ABI3BP: variants seen among roughly 807,000 people sequenced by gnomAD.
The protein encoded by ABI3BP is target of Nesh-SH3.
ABI3BP carries 216 observed loss-of-function variants against 268.6 expected under a neutral mutation model. That is an observed-to-expected ratio of 0.80 (90% CI 0.72 to 0.90). The LOEUF is 0.90. Among genes scored for constraint, ABI3BP ranks in the 40% least tolerant of loss-of-function variants. The pLI is 0.00. For synonymous variants in ABI3BP, 730 were observed against 730.0 expected (o/e 1.00, Z 0.00); for missense variants, 2,090 against 2,182.4 (o/e 0.96, Z 0.84).
intron 1 of ABI3BP, among the ~76,000 whole-genome samples, chr3:100,954,975 C>CT (rs71299382): frequency 0.12 from 11,254 of 94,754 alleles, 787 homozygotes; most frequent in Non-Finnish European, 0.16. Flanking sequence ...TAAATTTTGT[C>CT]TTTTTTTTTT....
At chr3:100,921,812 T>C (rs1012868958) in intron 2 of ABI3BP, among the ~76,000 whole-genome samples, 4 of 152,222 alleles carry the variant, frequency 2.6e-5, no homozygotes, top group African/African-American at 9.6e-5. Flanking sequence ...AGGTATTAAA[T>C]GTAAAAATGG....
chr3:100,853,033 T>C (rs2098877987), intron 14 of ABI3BP, among the ~76,000 whole-genome samples: 1 of 152,196 alleles, frequency 6.6e-6, no homozygotes, highest in African/African-American at 2.4e-5. Context: ...GACGTAGTCA[T>C]TGGGGTTACT....
intron 1 of ABI3BP, among the ~76,000 whole-genome samples, chr3:100,940,525 T>C (rs1192161771): frequency 1.3e-5 from 2 of 151,544 alleles, no homozygotes; most frequent in Non-Finnish European, 2.9e-5. Flanking sequence ...CATGCAAAAA[T>C]AGTTGCTACT....
intron 2 of ABI3BP, among the ~76,000 whole-genome samples, chr3:100,907,062 G>A (rs557719882): frequency 6.6e-6 from 1 of 152,292 alleles, no homozygotes; most frequent in South Asian, 2.1e-4. Flanking sequence ...GGACATAAGA[G>A]CACAGACTCT....
chr3:100,763,389 G>A (rs1464118470), intron 63 of ABI3BP, among the ~76,000 whole-genome samples: 1 of 149,470 alleles, frequency 6.7e-6, no homozygotes, highest in Non-Finnish European at 1.5e-5. Flanking sequence ...CTTGAACCCT[G>A]GAGGCAGAGG....
At chr3:100,873,398 T>G (rs2099129107) in intron 9 of ABI3BP, among the ~76,000 whole-genome samples, 1 of 151,988 alleles carries the variant, frequency 6.6e-6, no homozygotes, top group African/African-American at 2.4e-5. Flanking sequence ...AGATTTGATG[T>G]CTTTTTTCCC....
intron 6 of ABI3BP, among the ~76,000 whole-genome samples, chr3:100,881,412 A>G (rs1255299771): frequency 6.6e-6 from 1 of 152,218 alleles, no homozygotes; most frequent in Non-Finnish European, 1.5e-5. Context: ...TAAAAAAGAT[A>G]AAAATAGATG....
At chr3:100,771,020 T>C in intron 61 of ABI3BP, 68 bp from the exon 62 acceptor site, 1 of 1,195,984 alleles carries the variant, frequency 8.4e-7, no homozygotes, top group African/African-American at 1.6e-5. Flanking sequence ...AGTGAGCTCA[T>C]AAATATAATT....
Position 100,770,939 on chromosome 3 carries a change from T to C in ABI3BP, c.4545A>G (p.Arg1515=). The change falls in exon 62 of 68, where the codon CGA becomes CGG. Residue 1515 remains arginine, a synonymous_variant. Coordinates refer to ENST00000471714, the MANE Select transcript of ABI3BP (RefSeq NM_001375547.2). ...GKPRFKGPHV[R]YIQKPDNSPC... ...GACTGTTGTCAGGCTTTTGGATGTATCGCACATGAGGTCCTACGAGAGAGA... is the reference window on the plus strand; with the variant it reads ...GACTGTTGTCAGGCTTTTGGATGTACCGCACATGAGGTCCTACGAGAGAGA... 6.3e-7 allele frequency: 1 copy of C among 1,587,646 alleles called. No homozygotes were observed. Among genetic ancestry groups the C allele is most frequent in the South Asian group, 1.2e-5 (1 of 85,650 alleles).
At chr3:100,786,727 C>A (rs539593401) in intron 57 of ABI3BP, among the ~76,000 whole-genome samples, 1 of 152,248 alleles carries the variant, frequency 6.6e-6, no homozygotes, top group South Asian at 2.1e-4. Flanking sequence ...TGTGCACCAT[C>A]TAATCCCACA....
At chr3:100,920,028 T>C (rs2059773650) in intron 2 of ABI3BP, among the ~76,000 whole-genome samples, 1 of 152,194 alleles carries the variant, frequency 6.6e-6, no homozygotes, top group Non-Finnish European at 1.5e-5. Flanking sequence ...ATCTTAGATT[T>C]TGCTTATTTT....
chr3:100,901,310 A>C (rs1418304514), intron 3 of ABI3BP, among the ~76,000 whole-genome samples: 1 of 152,226 alleles, frequency 6.6e-6, no homozygotes, highest in African/African-American at 2.4e-5. Context: ...GATTTAAGCT[A>C]TTTAGTATAA....
chr3:100,952,078 C>T (rs369119784), intron 1 of ABI3BP, among the ~76,000 whole-genome samples: 3 of 152,138 alleles, frequency 2.0e-5, no homozygotes, highest in East Asian at 1.9e-4. Flanking sequence ...GCTCCTCCTG[C>T]TAATATTCTG....
At chr3:100,864,796 TTG>T in intron 11 of ABI3BP, 35 bp downstream of exon 11, 2 of 1,479,872 alleles carry the variant, frequency 1.4e-6, no homozygotes, top group Non-Finnish European at 9.2e-7. Context: ...GTTGTTACTT[TTG>T]TTTTTTTAGA....
chr3:100,944,666 GT>G (rs1325876868), intron 1 of ABI3BP, among the ~76,000 whole-genome samples: 51 of 152,172 alleles, frequency 3.4e-4, no homozygotes, highest in African/African-American at 1.1e-3. Context: ...GGAACCAATG[GT>G]TTTATCTGCC....
In ABI3BP at chr3:100,993,295, A is replaced by T. The variant is rs1351137223; in HGVS notation, c.79+11T>A. 2.0e-6 allele frequency: 3 copies of T among 1,524,160 alleles called. No homozygotes were observed. The highest frequency in any genetic ancestry group is 2.7e-6 in the Non-Finnish European group (3 of 1,122,996). 94.4% of individuals were successfully genotyped at this position (1,524,160 alleles called of 1,614,324 possible). ...TATTATTTTTAAAACATAAAACATCAGGCTACTTGCCTTTTGGCAATTTCT... is the reference window on the plus strand; with the variant it reads ...TATTATTTTTAAAACATAAAACATCTGGCTACTTGCCTTTTGGCAATTTCT... On this transcript the variant is annotated intron_variant, in intron 1 of 67. Transcript: ENST00000471714.
chr3:100,884,352 T>A (rs1323996721), intron 6 of ABI3BP, among the ~76,000 whole-genome samples: 1 of 152,146 alleles, frequency 6.6e-6, no homozygotes, highest in African/African-American at 2.4e-5. Flanking sequence ...TGAAATACAT[T>A]GAAATATTTT....
chr3:100,782,345 CT>C (rs200832118), intron 57 of ABI3BP, among the ~76,000 whole-genome samples: 89 of 148,784 alleles, frequency 6.0e-4, no homozygotes, highest in Non-Finnish European at 1.1e-3. Context: ...CCCTTGCCCT[CT>C]TTTTTTTTTA....
At chr3:100,833,989 A>C (rs576322708) in intron 29 of ABI3BP, among the ~76,000 whole-genome samples, 1 of 152,262 alleles carries the variant, frequency 6.6e-6, no homozygotes, top group South Asian at 2.1e-4. Flanking sequence ...CAAGGTCCAC[A>C]AGATGAGCTC....
Sources: gnomAD v4.1 joint callset for allele counts (sites outside exome capture counted in the v4.1 genomes callset) on GRCh38, gnomAD v4.1.1 for gene constraint, MANE v1.5 for transcripts, NCBI Gene and HGNC (gene_info 2026-07-23, HGNC 2026-07-21) for gene names.